Variants in RNF150 observed in about 807,000 individuals in gnomAD.
The protein encoded by RNF150 is ring finger protein 150.
RNF150 carries 24 observed loss-of-function variants against 39.3 expected under a neutral mutation model. The observed-to-expected ratio is 0.61, with a 90% CI of 0.44 to 0.86. RNF150 has a LOEUF of 0.86. Among genes scored for constraint, RNF150 ranks in the 40% least tolerant of loss-of-function variants. The probability of loss-of-function intolerance (pLI) is 0.00; values close to 1 mark genes in which losing one functional copy is unlikely to be tolerated. For missense variants in RNF150, 502 were observed against 587.8 expected (o/e 0.85, Z 1.51); for synonymous variants, 255 against 227.3 (o/e 1.12, Z -1.10).
intron 4 of RNF150, among the ~76,000 whole-genome samples, chr4:140,936,159 C>A (rs921266302): frequency 1.3e-5 from 2 of 151,836 alleles, no homozygotes; most frequent in Admixed American, 1.3e-4. Context: ...ATGGGTGTAC[C>A]CCAATTTGTT....
chr4:141,112,511 C>G (rs1739417307), intron 1 of RNF150, among the ~76,000 whole-genome samples: 1 of 152,078 alleles, frequency 6.6e-6, no homozygotes, highest in Non-Finnish European at 1.5e-5. Flanking sequence ...GTAAGAAATT[C>G]TGGGTTGAAA....
intron 1 of RNF150, among the ~76,000 whole-genome samples, chr4:141,008,115 A>C (rs1414826543): frequency 1.3e-5 from 2 of 152,220 alleles, no homozygotes; most frequent in Non-Finnish European, 1.5e-5. Context: ...CCAAAAAAAC[A>C]TATTCTGTAG....
At position 140,866,692 on chromosome 4, in the gene RNF150, G is replaced by C. The variant is rs2111172343; in HGVS notation, c.*1569C>G. On this transcript the variant is annotated 3_prime_UTR_variant, in exon 7 of 7. Coordinates refer to ENST00000515673, the MANE Select transcript of RNF150 (RefSeq NM_020724.2). ...AGTATTAGTCTAATGAGGTGGAAAA[G>C]TCCCCATCAATACATAAAAACAACT... 2 of 152,274 alleles carry C rather than the reference G, an allele frequency of 1.3e-5. No individual in the cohort carries two copies. Among genetic ancestry groups the C allele is most frequent in the Middle Eastern group, 6.8e-3 (2 of 294 alleles). The allele number at this position is 152,274 out of a possible 1,614,324, so 9.4% of individuals were successfully genotyped here.
chr4:141,029,675 T>G lies in RNF150; in HGVS notation c.485-61802A>C, dbSNP rs182775173. On this transcript the variant is annotated intron_variant, in intron 1 of 6. Coordinates refer to ENST00000515673, the MANE Select transcript of RNF150 (RefSeq NM_020724.2). ...CAGCAGAGCAGCCAAAGGGAATTCC[T>G]TTACAAATTATGGAATCAAATGTCA... 3.9e-5 allele frequency among the ~76,000 whole-genome samples: 6 copies of G among 152,314 alleles called. No homozygotes were observed. In the East Asian group the frequency reaches 1.2e-3, roughly 29 times the overall value.
intron 6 of RNF150, among the ~76,000 whole-genome samples, chr4:140,869,411 T>C (rs1728842096): frequency 1.3e-5 from 2 of 152,206 alleles, no homozygotes; most frequent in Non-Finnish European, 2.9e-5. Context: ...ACATTTTTTT[T>C]CAGTTCTCCC....
intron 5 of RNF150, among the ~76,000 whole-genome samples, chr4:140,916,276 CAAAGA>C (rs1730824408): frequency 1.3e-5 from 2 of 152,010 alleles, no homozygotes; most frequent in Admixed American, 1.3e-4. Context: ...AAACCAATGG[CAAAGA>C]AGTTAAAAAC....
At chr4:141,199,935 A>G (rs1186639202) in intron 1 of RNF150, among the ~76,000 whole-genome samples, 2 of 152,228 alleles carry the variant, frequency 1.3e-5, no homozygotes, top group Admixed American at 6.5e-5. Context: ...GTGGGTAAAT[A>G]AAAGTATGGA....
At chr4:141,210,704 C>T in intron 1 of RNF150, among the ~76,000 whole-genome samples, 1 of 152,040 alleles carries the variant, frequency 6.6e-6, no homozygotes, top group African/African-American at 2.4e-5. Flanking sequence ...TACCAAAAAT[C>T]AAGGTGTGGC....
intron 1 of RNF150, among the ~76,000 whole-genome samples, chr4:141,012,300 A>C (rs1473404921): frequency 6.6e-6 from 1 of 152,212 alleles, no homozygotes; most frequent in Non-Finnish European, 1.5e-5. Flanking sequence ...GGGCTGGGTT[A>C]CAATAAGAAG....
At chr4:141,194,131 T>C (rs925853380) in intron 1 of RNF150, among the ~76,000 whole-genome samples, 1 of 152,206 alleles carries the variant, frequency 6.6e-6, no homozygotes, top group Non-Finnish European at 1.5e-5. Flanking sequence ...GAAAGTTAAC[T>C]GGAATCATCG....
intron 4 of RNF150, among the ~76,000 whole-genome samples, chr4:140,936,920 A>G (rs770675584): frequency 7.9e-5 from 12 of 152,206 alleles, no homozygotes; most frequent in Non-Finnish European, 1.0e-4. Flanking sequence ...TGGCTATCAG[A>G]TGAGAAAGAT....
At chr4:141,140,857 C>T (rs1301398439) in intron 1 of RNF150, among the ~76,000 whole-genome samples, 1 of 152,194 alleles carries the variant, frequency 6.6e-6, no homozygotes, top group African/African-American at 2.4e-5. Flanking sequence ...CCCATTCCCA[C>T]AGGGCTGGTA....
chr4:140,994,516 A>G (rs1734298747), intron 1 of RNF150, among the ~76,000 whole-genome samples: 1 of 152,224 alleles, frequency 6.6e-6, no homozygotes, highest in African/African-American at 2.4e-5. Flanking sequence ...CTATTTAAGC[A>G]GCCCTAACAA....
At chr4:141,014,754 C>A (rs1339278384) in intron 1 of RNF150, among the ~76,000 whole-genome samples, 4 of 151,498 alleles carry the variant, frequency 2.6e-5, no homozygotes, top group African/African-American at 9.7e-5. Flanking sequence ...ATCAGATGTA[C>A]AGTTTGTAAA....
intron 1 of RNF150, among the ~76,000 whole-genome samples, chr4:141,091,115 G>T (rs1738564531): frequency 6.6e-6 from 1 of 152,168 alleles, no homozygotes; most frequent in Non-Finnish European, 1.5e-5. Context: ...CTGGAGTCAG[G>T]GAGAAACACA....
intron 1 of RNF150, among the ~76,000 whole-genome samples, chr4:141,165,241 G>A (rs895078735): frequency 7.9e-5 from 12 of 152,132 alleles, no homozygotes; most frequent in Non-Finnish European, 1.5e-4. Context: ...GCAACAAGAA[G>A]AGCTAACTAC....
chr4:141,049,310 TA>T (rs1430754552), intron 1 of RNF150, among the ~76,000 whole-genome samples: 5 of 143,082 alleles, frequency 3.5e-5, no homozygotes, highest in Non-Finnish European at 3.1e-5. Flanking sequence ...AATCCAGAGA[TA>T]AAAAAAAGGA....
At chr4:141,053,537 A>T in intron 1 of RNF150, 1 of 460,390 alleles carries the variant, frequency 2.2e-6, no homozygotes. Context: ...GCAGGGCTCA[A>T]AAGAAGACAA....
chr4:140,902,927 C>T (rs902001956), intron 6 of RNF150, among the ~76,000 whole-genome samples: 3 of 152,056 alleles, frequency 2.0e-5, no homozygotes, highest in East Asian at 1.9e-4. Context: ...GAATGTGGCT[C>T]GGGGAGAAAG....
Sources: gnomAD v4.1 joint callset for allele counts (sites outside exome capture counted in the v4.1 genomes callset) on GRCh38, gnomAD v4.1.1 for gene constraint, MANE v1.5 for transcripts, NCBI Gene and HGNC (gene_info 2026-07-23, HGNC 2026-07-21) for gene names.